ZNRF2: variants seen among roughly 807,000 people sequenced by gnomAD.
ZNRF2 encodes the protein zinc and ring finger 2.
ZNRF2 carries 16 observed loss-of-function variants against 20.4 expected under a neutral mutation model. The observed-to-expected ratio is 0.79, with a 90% CI of 0.53 to 1.19. The LOEUF (loss-of-function observed/expected upper bound fraction) is 1.19. ZNRF2 is among the 50% of genes most tolerant of loss of function. ZNRF2 has a pLI of 0.00. For missense variants in ZNRF2, 363 were observed against 332.4 expected, an observed-to-expected ratio of 1.09 and a Z score of -0.72; for synonymous variants, 178 against 144.9, an observed-to-expected ratio of 1.23 and a Z score of -1.64.
At chr7:30,346,233 G>T (rs1799877783) in intron 2 of ZNRF2, among the ~76,000 whole-genome samples, 1 of 99,518 alleles carries the variant, frequency 1.0e-5, no homozygotes, top group Non-Finnish European at 1.9e-5. Flanking sequence ...TGCTCTTGTT[G>T]CCCAGGCTGC....
chr7:30,304,035 G>A (rs1310186333), intron 1 of ZNRF2, among the ~76,000 whole-genome samples: 1 of 152,110 alleles, frequency 6.6e-6, no homozygotes, highest in Non-Finnish European at 1.5e-5. Context: ...GGTAGTGGTG[G>A]TAAGGAGAGT....
chr7:30,321,868 T>C (rs1228775341), intron 1 of ZNRF2, among the ~76,000 whole-genome samples: 4 of 152,188 alleles, frequency 2.6e-5, no homozygotes, highest in African/African-American at 7.2e-5. Context: ...TTGGCCATTA[T>C]AGTTTTTTTG....
chr7:30,334,671 A>G lies in ZNRF2; in HGVS notation c.565+10934A>G, dbSNP rs372688158. 9.8e-5 allele frequency among the ~76,000 whole-genome samples: 15 copies of G among 152,342 alleles called. No individual in the cohort carries two copies. The East Asian group carries it at 1.5e-3, about 16-fold the overall frequency. ...TTATTTAATTCCAAGTTAGAAGTCT[A>G]TAAGTCTTGCATGACAGTATGAATC... On this transcript the variant is annotated intron_variant, in intron 2 of 4. Coordinates refer to ENST00000323037, the MANE Select transcript of ZNRF2 (RefSeq NM_147128.4).
intron 2 of ZNRF2, among the ~76,000 whole-genome samples, chr7:30,335,588 C>A (rs1472561766): frequency 6.6e-6 from 1 of 151,736 alleles, no homozygotes; most frequent in African/African-American, 2.4e-5. Flanking sequence ...TGTATACATA[C>A]AGTAAAAATA....
At chr7:30,329,839 ATCATATGGTAGTTCT>A (rs1799610007) in intron 2 of ZNRF2, among the ~76,000 whole-genome samples, 2 of 152,110 alleles carry the variant, frequency 1.3e-5, no homozygotes, top group East Asian at 3.8e-4. Context: ...GGATTGCTGG[ATCATATGGTAGTTCT>A]CTTTTTCGTT....
chr7:30,364,912 G>T (rs1390688087), intron 4 of ZNRF2, among the ~76,000 whole-genome samples: 4 of 152,058 alleles, frequency 2.6e-5, no homozygotes, highest in Admixed American at 2.6e-4. Context: ...CAGTAGATCT[G>T]GTGTCTGATG....
At chr7:30,331,274 A>C (rs1273198041) in intron 2 of ZNRF2, among the ~76,000 whole-genome samples, 1 of 152,200 alleles carries the variant, frequency 6.6e-6, no homozygotes, top group Non-Finnish European at 1.5e-5. Flanking sequence ...TACCCCTAAG[A>C]ACTTTTAAAA....
chr7:30,314,974 G>A (rs1413886076), intron 1 of ZNRF2, among the ~76,000 whole-genome samples: 1 of 151,956 alleles, frequency 6.6e-6, no homozygotes, highest in African/African-American at 2.4e-5. Context: ...CTGCCACCAT[G>A]TCTGGCTAAT....
In ZNRF2 at chr7:30,299,115, T is replaced by G. The variant is rs2391863; in HGVS notation, c.469+13289T>G. ...TTTTTTTTAATTGCAGAAGAAATAA[T>G]AATTCACTCCTATAAAAATTTGGAT... On this transcript the variant is annotated intron_variant, in intron 1 of 4. Transcript: ENST00000323037. Among the ~76,000 whole-genome samples the G allele has an allele frequency of 3.3e-5, 5 of 151,828 alleles. No homozygotes were observed. The South Asian group carries it at 6.2e-4, about 19-fold the overall frequency.
chr7:30,349,881 A>G (rs914929533), intron 2 of ZNRF2, among the ~76,000 whole-genome samples: 2 of 152,048 alleles, frequency 1.3e-5, no homozygotes, highest in African/African-American at 4.8e-5. Flanking sequence ...ATTTAGGAAA[A>G]TATTTGTTTA....
intron 1 of ZNRF2, among the ~76,000 whole-genome samples, chr7:30,292,712 T>C (rs946777672): frequency 2.0e-5 from 3 of 152,074 alleles, no homozygotes; most frequent in Admixed American, 6.5e-5. Context: ...TAAAAACATA[T>C]TCAGGCACAG....
At chr7:30,346,136 T>A (rs1799873074) in intron 2 of ZNRF2, among the ~76,000 whole-genome samples, 1 of 149,910 alleles carries the variant, frequency 6.7e-6, no homozygotes, top group East Asian at 1.9e-4. Context: ...ATAGGATTTT[T>A]AATTTCAGTG....
intron 1 of ZNRF2, among the ~76,000 whole-genome samples, chr7:30,323,241 G>A (rs989940306): frequency 6.6e-6 from 1 of 151,992 alleles, no homozygotes; most frequent in Admixed American, 6.6e-5. Context: ...TAAAACTTGT[G>A]ACTCACAGTG....
In ZNRF2 at chr7:30,363,524, C is replaced by T. The variant is rs1583600911; in HGVS notation, c.*22+1068C>T. On this transcript the variant is annotated intron_variant, in intron 4 of 4. Transcript: ENST00000323037. ...CAATTTTGCTCTTTTTAGGTAGGAA[C>T]ATTTTCTTCAAACAGTCGCATCATA... Among the ~76,000 whole-genome samples the T allele has an allele frequency of 2.6e-5, 4 of 152,274 alleles. No individual in the cohort carries two copies. The South Asian group carries it at 6.2e-4, about 24-fold the overall frequency.
intron 1 of ZNRF2, among the ~76,000 whole-genome samples, chr7:30,318,376 T>C (rs1010947406): frequency 6.6e-5 from 10 of 152,200 alleles, no homozygotes; most frequent in Admixed American, 3.3e-4. Context: ...TTTGTGGTTA[T>C]TGGGAACTCT....
In ZNRF2 at chr7:30,355,786, G is replaced by C. The variant is rs181107014; in HGVS notation, c.624G>C (p.Gln208His). The C allele has an allele frequency of 6.2e-7, 1 of 1,613,570 alleles. No homozygotes were observed. The highest frequency in any genetic ancestry group is 8.5e-7 in the Non-Finnish European group (1 of 1,179,748). Reference sequence around the variant, plus strand: ...CAATATGCCTTGAAGAATTGCAGCAGGGAGATACTATAGCACGACTGCCTT... The same window carrying C: ...CAATATGCCTTGAAGAATTGCAGCACGGAGATACTATAGCACGACTGCCTT... Reference protein sequence around the residue: ...ECAICLEELQQGDTIARLPCL... With the variant: ...ECAICLEELQHGDTIARLPCL... Residue 208 changes from glutamine (Q) to histidine (H), a missense_variant, in exon 3 of 5, where the codon CAG (glutamine) becomes CAC (histidine). By Grantham distance (24) the Gln-to-His change is conservative. Transcript: ENST00000323037.
At chr7:30,290,705 G>A (rs1049195281) in intron 1 of ZNRF2, among the ~76,000 whole-genome samples, 38 of 152,254 alleles carry the variant, frequency 2.5e-4, no homozygotes, top group African/African-American at 9.2e-4. Context: ...ACCAGGAAGT[G>A]TAGGAATCAA....
chr7:30,323,744 C>G lies in ZNRF2; in HGVS notation c.565+7C>G, dbSNP rs778926622. 6.8e-7 allele frequency: 1 copy of G among 1,475,520 alleles called. No individual in the cohort carries two copies. Among genetic ancestry groups the G allele is most frequent in the Non-Finnish European group, 9.1e-7 (1 of 1,094,164 alleles). 91.4% of individuals were successfully genotyped at this position (1,475,520 alleles called of 1,614,324 possible). On this transcript the variant is annotated splice_region_variant and intron_variant, in intron 2 of 4. Coordinates refer to ENST00000323037, the MANE Select transcript of ZNRF2 (RefSeq NM_147128.4). ...CCACGAATAACCTATAATGGTAAGTCCAATGGTTTAAAATAATATTTTAAG... is the reference window on the plus strand; with the variant it reads ...CCACGAATAACCTATAATGGTAAGTGCAATGGTTTAAAATAATATTTTAAG...
chr7:30,332,623 G>C (rs1340724773), intron 2 of ZNRF2, among the ~76,000 whole-genome samples: 1 of 152,134 alleles, frequency 6.6e-6, no homozygotes, highest in Non-Finnish European at 1.5e-5. Context: ...GAACATGGCT[G>C]TATTTGATTT....
Sources: gnomAD v4.1 joint callset for allele counts (sites outside exome capture counted in the v4.1 genomes callset) on GRCh38, gnomAD v4.1.1 for gene constraint, MANE v1.5 for transcripts, NCBI Gene and HGNC (gene_info 2026-07-23, HGNC 2026-07-21) for gene names.